The following SMYD3 variants were observed in gnomAD, a reference collection of about 807,000 sequenced individuals.
SMYD3 encodes the protein SET and MYND domain containing 3.
A neutral mutation model predicts 57.7 loss-of-function variants in SMYD3; 36 were observed. The observed-to-expected ratio is 0.62, with a 90% CI of 0.48 to 0.82. The LOEUF (loss-of-function observed/expected upper bound fraction) is 0.82. SMYD3 is among the 40% of genes least tolerant of loss of function. SMYD3 has a pLI of 0.00. For synonymous variants in SMYD3, 211 were observed against 195.0 expected, an observed-to-expected ratio of 1.08 and a Z score of -0.68; for missense variants, 515 against 538.8, an observed-to-expected ratio of 0.96 and a Z score of 0.44.
At chr1:245,812,009 T>G (rs1032843687) in intron 10 of SMYD3, among the ~76,000 whole-genome samples, 6 of 152,172 alleles carry the variant, frequency 3.9e-5, no homozygotes, top group Admixed American at 3.9e-4. Context: ...TTGCTTAGAT[T>G]GTTTCAAAAT....
At chr1:245,888,674 G>A (rs775471974) in intron 8 of SMYD3, among the ~76,000 whole-genome samples, 4 of 152,182 alleles carry the variant, frequency 2.6e-5, no homozygotes, top group Non-Finnish European at 4.4e-5. Context: ...CACTTAGCTT[G>A]TGTGATATTC....
intron 5 of SMYD3, among the ~76,000 whole-genome samples, chr1:246,219,603 T>TA (rs2063218935): frequency 6.6e-6 from 1 of 152,176 alleles, no homozygotes; most frequent in Non-Finnish European, 1.5e-5. Flanking sequence ...TTGCCCTCGT[T>TA]AGCAGAAGGC....
chr1:246,038,859 CTT>C (rs1487623349), intron 5 of SMYD3, among the ~76,000 whole-genome samples: 1 of 152,066 alleles, frequency 6.6e-6, no homozygotes, highest in Admixed American at 6.6e-5. Flanking sequence ...AAACAAATAT[CTT>C]TGTGGAAATT....
chr1:245,816,401 G>A (rs2048803162), intron 10 of SMYD3, among the ~76,000 whole-genome samples: 1 of 149,884 alleles, frequency 6.7e-6, no homozygotes, highest in African/African-American at 2.5e-5. Context: ...AGGATTCTCA[G>A]ACACATTTCA....
chr1:246,330,584 A>C, intron 3 of SMYD3, 47 bp from the exon 4 acceptor site: 1 of 1,518,272 alleles, frequency 6.6e-7, no homozygotes, highest in Non-Finnish European at 8.9e-7. Context: ...CAAGTGTTCC[A>C]ATATATAAAC....
At chr1:246,094,213 G>C (rs952420107) in intron 5 of SMYD3, among the ~76,000 whole-genome samples, 1 of 152,052 alleles carries the variant, frequency 6.6e-6, no homozygotes, top group African/African-American at 2.4e-5. Context: ...CTACCATGAG[G>C]GCTGGTGATA....
chr1:246,384,552 C>T (rs11581561), intron 1 of SMYD3, among the ~76,000 whole-genome samples: 104,942 of 151,560 alleles, frequency 0.69, 37,423 homozygotes, highest in Non-Finnish European at 0.8. Flanking sequence ...CCCGCCACCA[C>T]GCCCGGCTAA....
At chr1:246,425,013 G>A (rs961252128) in intron 1 of SMYD3, among the ~76,000 whole-genome samples, 17 of 152,134 alleles carry the variant, frequency 1.1e-4, no homozygotes, top group African/African-American at 3.9e-4. Context: ...GATAAATGGA[G>A]CAAAATAATA....
At chr1:246,220,146 C>A (rs1488736256) in intron 5 of SMYD3, among the ~76,000 whole-genome samples, 1 of 152,132 alleles carries the variant, frequency 6.6e-6, no homozygotes, top group East Asian at 1.9e-4. Context: ...TGATGAAAAT[C>A]TTAAATTGTC....
chr1:246,352,563 A>G (rs1479798102), intron 2 of SMYD3, among the ~76,000 whole-genome samples: 1 of 152,214 alleles, frequency 6.6e-6, no homozygotes, highest in Admixed American at 6.5e-5. Flanking sequence ...CCACACACAC[A>G]AACACATACT....
chr1:245,980,649 A>G (rs930276804), intron 5 of SMYD3, among the ~76,000 whole-genome samples: 3 of 152,250 alleles, frequency 2.0e-5, no homozygotes, highest in African/African-American at 7.2e-5. Context: ...GGTGGAAAAA[A>G]TAATTCAAGA....
intron 10 of SMYD3, among the ~76,000 whole-genome samples, chr1:245,810,219 C>CCT (rs2148284771): frequency 6.6e-6 from 1 of 152,276 alleles, no homozygotes; most frequent in Non-Finnish European, 1.5e-5. Context: ...CTAGGTGAGG[C>CCT]CTCTCACCCA....
chr1:245,848,490 C>A (rs1377261429), intron 10 of SMYD3, among the ~76,000 whole-genome samples: 1 of 152,080 alleles, frequency 6.6e-6, no homozygotes, highest in Non-Finnish European at 1.5e-5. Flanking sequence ...TTCCCTGCAG[C>A]CTCGAACTCC....
In SMYD3 at chr1:245,793,115, C is replaced by G. The variant is rs572769716; in HGVS notation, c.1077-28966G>C. 1.2e-3 allele frequency among the ~76,000 whole-genome samples: 174 copies of G among 147,138 alleles called. 3 individuals carry two copies. In the East Asian group the frequency reaches 0.017, roughly 14 times the overall value. The stretch of plus-strand genomic sequence containing the variant: ...ACGAAATCAGGAGATCAAGACCATC[C>G]TGGCTAACACGGTGAAACCCCGTCT... On this transcript the variant is annotated intron_variant, in intron 10 of 11. Coordinates refer to ENST00000490107, the MANE Select transcript of SMYD3 (RefSeq NM_001167740.2).
At chr1:246,027,038 A>G (rs2059587201) in intron 5 of SMYD3, among the ~76,000 whole-genome samples, 1 of 152,238 alleles carries the variant, frequency 6.6e-6, no homozygotes, top group African/African-American at 2.4e-5. Context: ...ATAGGGAGAA[A>G]GTCTGAGTGA....
intron 10 of SMYD3, among the ~76,000 whole-genome samples, chr1:245,831,891 T>C (rs1312803484): frequency 6.6e-6 from 1 of 152,160 alleles, no homozygotes; most frequent in East Asian, 1.9e-4. Context: ...ATTTGGGCGT[T>C]TTGAATTGGA....
At chr1:245,944,012 C>A (rs1344043253) in intron 5 of SMYD3, among the ~76,000 whole-genome samples, 2 of 152,096 alleles carry the variant, frequency 1.3e-5, no homozygotes, top group African/African-American at 4.8e-5. Flanking sequence ...CCATATATGA[C>A]AAACCCACCC....
Position 246,195,613 on chromosome 1 carries a change from G to GCACACA in SMYD3, c.531+131582_531+131587dup, listed in dbSNP as rs527875900. ...TACACACAAATGTGCGTGCACGCGCGCACACACACACACACACACGCACTG... is the reference window on the plus strand; with the variant it reads ...TACACACAAATGTGCGTGCACGCGCGCACACACACACACACACACACACACGCACTG... On this transcript the variant is annotated intron_variant, in intron 5 of 11. Coordinates refer to ENST00000490107, the MANE Select transcript of SMYD3 (RefSeq NM_001167740.2). Among the ~76,000 whole-genome samples, 47 of 149,980 alleles carry GCACACA rather than the reference G, an allele frequency of 3.1e-4. No individual in the cohort carries two copies. The East Asian group carries it at 8.2e-3, about 26-fold the overall frequency.
At chr1:246,209,199 G>A (rs997142498) in intron 5 of SMYD3, among the ~76,000 whole-genome samples, 3 of 152,042 alleles carry the variant, frequency 2.0e-5, no homozygotes, top group Non-Finnish European at 4.4e-5. Flanking sequence ...CATCATTCCA[G>A]TGAGGGACCA....
Sources: allele counts gnomAD v4.1 joint callset (sites outside exome capture counted in the v4.1 genomes callset), GRCh38; gene constraint gnomAD v4.1.1; transcripts MANE v1.5; gene names NCBI Gene and HGNC (gene_info 2026-07-23, HGNC 2026-07-21).